Variants in SCN8A observed in about 807,000 individuals in gnomAD.
SCN8A encodes the protein sodium voltage-gated channel alpha subunit 8.
In SCN8A, 30 loss-of-function variants were observed where a neutral mutation model predicts 184.1. That is an observed-to-expected ratio of 0.16 (90% CI 0.12 to 0.22). SCN8A has a LOEUF of 0.22. Ranked by LOEUF, SCN8A falls within the 10% of genes least tolerant of loss-of-function variation. The probability of loss-of-function intolerance (pLI) is 1.00; values close to 1 mark genes in which losing one functional copy is unlikely to be tolerated. For missense variants in SCN8A, 1,057 were observed against 2,498.9 expected, an observed-to-expected ratio of 0.42 and a Z score of 12.30; for synonymous variants, 852 against 907.0, an observed-to-expected ratio of 0.94 and a Z score of 1.09.
At chr12:51,643,863 C>G (rs1407919454) in intron 1 of SCN8A, among the ~76,000 whole-genome samples, 1 of 152,138 alleles carries the variant, frequency 6.6e-6, no homozygotes, top group African/African-American at 2.4e-5. Context: ...AGAGTGTATC[C>G]TGATACCAGG....
chr12:51,805,740 ACAACAT>A (rs1235287258), intron 26 of SCN8A, among the ~76,000 whole-genome samples: 2 of 152,200 alleles, frequency 1.3e-5, no homozygotes, highest in African/African-American at 4.8e-5. Context: ...ACAAAAAACA[ACAACAT>A]CAAAAGACAA....
At chr12:51,680,349 T>C (rs1379125736) in intron 2 of SCN8A, among the ~76,000 whole-genome samples, 2 of 152,162 alleles carry the variant, frequency 1.3e-5, no homozygotes, top group Non-Finnish European at 2.9e-5. Context: ...AAAATCATAG[T>C]TTTTGAATTC....
intron 16 of SCN8A, 35 bp downstream of exon 16, chr12:51,766,062 C>T (rs2138863197): frequency 1.3e-6 from 2 of 1,539,098 alleles, no homozygotes; most frequent in East Asian, 4.5e-5. Context: ...TTGTTCTACA[C>T]CCTGAATATT....
At chr12:51,639,816 G>A (rs1319252132) in intron 1 of SCN8A, among the ~76,000 whole-genome samples, 3 of 145,740 alleles carry the variant, frequency 2.1e-5, no homozygotes, top group Non-Finnish European at 4.5e-5. Flanking sequence ...CTAGCTAAAG[G>A]CTCAGGTGAT....
intron 1 of SCN8A, among the ~76,000 whole-genome samples, chr12:51,661,697 A>G (rs1940928522): frequency 6.6e-6 from 1 of 152,214 alleles, no homozygotes; most frequent in Admixed American, 6.5e-5. Flanking sequence ...TGAGCACCCA[A>G]TGAACTGCCA....
chr12:51,688,615 C>T (rs1941457670), intron 5 of SCN8A: 2 of 636,102 alleles, frequency 3.1e-6, no homozygotes, highest in South Asian at 2.0e-5. Flanking sequence ...ACAAATGTTC[C>T]TTAAATGTTT....
intron 1 of SCN8A, among the ~76,000 whole-genome samples, chr12:51,659,758 A>G (rs1044245817): frequency 9.2e-5 from 14 of 152,176 alleles, no homozygotes; most frequent in African/African-American, 3.1e-4. Context: ...TGAAAATGGA[A>G]GCTCTTAAGG....
intron 2 of SCN8A, among the ~76,000 whole-genome samples, chr12:51,674,807 A>C (rs1018168618): frequency 6.6e-6 from 1 of 152,176 alleles, no homozygotes; most frequent in Non-Finnish European, 1.5e-5. Context: ...CTTTATAACA[A>C]CCTGATAAAA....
At chr12:51,789,722 A>T (rs929488876) in intron 24 of SCN8A, among the ~76,000 whole-genome samples, 1 of 152,230 alleles carries the variant, frequency 6.6e-6, no homozygotes, top group Non-Finnish European at 1.5e-5. Context: ...GATGAAAAGG[A>T]AAGAAACAGA....
At chr12:51,606,282 G>A (rs1592323783) in intron 1 of SCN8A, among the ~76,000 whole-genome samples, 1 of 152,086 alleles carries the variant, frequency 6.6e-6, no homozygotes, top group South Asian at 2.1e-4. Flanking sequence ...GAGAGATGAG[G>A]ATCCAATTTC....
At chr12:51,665,135 G>A (rs1000985307) in intron 2 of SCN8A, among the ~76,000 whole-genome samples, 2 of 152,192 alleles carry the variant, frequency 1.3e-5, no homozygotes, top group African/African-American at 4.8e-5. Context: ...AGTTGTTAGA[G>A]CCCAATTTTC....
chr12:51,809,893 T>G lies in SCN8A; in HGVS notation c.*2464T>G, dbSNP rs1445089620. The G allele has an allele frequency of 1.3e-5, 2 of 152,260 alleles. No homozygotes were observed. The highest frequency in any genetic ancestry group is 2.4e-5 in the African/African-American group (1 of 41,476). The allele number at this position is 152,260 out of a possible 1,614,324, so 9.4% of individuals were successfully genotyped here. On this transcript the variant is annotated 3_prime_UTR_variant, in exon 27 of 27. Coordinates refer to ENST00000627620, the MANE Select transcript of SCN8A (RefSeq NM_001330260.2). ...ACCAGACAGACAGACAAAAAATTTTTTATTGCTAATGGTCTTTTCCAAAAC... is the reference window on the plus strand; with the variant it reads ...ACCAGACAGACAGACAAAAAATTTTGTATTGCTAATGGTCTTTTCCAAAAC...
intron 1 of SCN8A, among the ~76,000 whole-genome samples, chr12:51,642,051 T>C (rs1220092280): frequency 6.6e-6 from 1 of 152,204 alleles, no homozygotes; most frequent in African/African-American, 2.4e-5. Context: ...ATCTCCTTTT[T>C]TTCTTTCTCC....
Position 51,774,438 on chromosome 12 carries a change from A to T in SCN8A, c.3819+76A>T, listed in dbSNP as rs1469710871. On this transcript the variant is annotated intron_variant, in intron 20 of 26. Coordinates refer to ENST00000627620, the MANE Select transcript of SCN8A (RefSeq NM_001330260.2). Reference sequence around the variant, plus strand: ...CAGGGGTCTCTCTTTTTCTAATGGCAGTAGCTGCCCTGGGCCCAGGTTATA... The same window carrying T: ...CAGGGGTCTCTCTTTTTCTAATGGCTGTAGCTGCCCTGGGCCCAGGTTATA... 2.8e-6 allele frequency: 4 copies of T among 1,412,488 alleles called. No homozygotes were observed. The East Asian group carries it at 9.3e-5, about 33-fold the overall frequency. 87.5% of individuals were successfully genotyped at this position (1,412,488 alleles called of 1,614,324 possible). A position where few individuals can be genotyped will look rare whatever the true frequency, so the allele number is the denominator to read the frequency against.
chr12:51,794,665 C>T lies in SCN8A; in HGVS notation c.4795+24C>T, dbSNP rs373062416. 44 of 1,607,658 alleles carry T rather than the reference C, an allele frequency of 2.7e-5. No individual in the cohort carries two copies. In the African/African-American group the frequency reaches 3.9e-4, roughly 14 times the overall value. On this transcript the variant is annotated intron_variant, in intron 26 of 26. Coordinates refer to ENST00000627620, the MANE Select transcript of SCN8A (RefSeq NM_001330260.2). ...GGGTGAGTGGGGTTGGGGAAGTAGG[C>T]GAGGGGAAAGGGGACCTGACTGATT...
At chr12:51,639,832 G>GT (rs200397804) in intron 1 of SCN8A, among the ~76,000 whole-genome samples, 2,524 of 58,088 alleles carry the variant, frequency 0.043, 74 homozygotes, top group East Asian at 0.25. Flanking sequence ...GTGATCATTA[G>GT]TTTTTTTTTT....
intron 12 of SCN8A, among the ~76,000 whole-genome samples, chr12:51,740,504 TGTG>T: frequency 6.6e-6 from 1 of 152,352 alleles, no homozygotes; most frequent in Non-Finnish European, 1.5e-5. Flanking sequence ...TGCTTGATAT[TGTG>T]GTAAAAAATG....
At chr12:51,676,252 G>A (rs966014279) in intron 2 of SCN8A, among the ~76,000 whole-genome samples, 2 of 152,168 alleles carry the variant, frequency 1.3e-5, no homozygotes, top group Non-Finnish European at 2.9e-5. Context: ...CTTTGCTGGA[G>A]ACTTTCCTGG....
intron 24 of SCN8A, among the ~76,000 whole-genome samples, 177 bp from the exon 25 acceptor site, chr12:51,790,221 G>A (rs776270074): frequency 7.9e-5 from 12 of 152,132 alleles, no homozygotes; most frequent in Non-Finnish European, 1.8e-4. Context: ...AAAAACAAAG[G>A]CAGGTATCTC....
Sources: allele counts gnomAD v4.1 joint callset (sites outside exome capture counted in the v4.1 genomes callset), GRCh38; gene constraint gnomAD v4.1.1; transcripts MANE v1.5; gene names NCBI Gene and HGNC (gene_info 2026-07-23, HGNC 2026-07-21).